Variants in CDH18 observed in about 807,000 individuals in gnomAD.
The protein encoded by CDH18 is cadherin-18.
Under a neutral mutation model 67.9 loss-of-function variants are expected in CDH18, and 31 were observed. That is an observed-to-expected ratio of 0.46 (90% confidence interval 0.34 to 0.62). The LOEUF is 0.62. CDH18 is among the 20% of genes least tolerant of loss of function. CDH18 has a pLI of 0.01. For synonymous variants in CDH18, 362 were observed against 347.2 expected (o/e 1.04, Z -0.48); for missense variants, 890 against 975.5 (o/e 0.91, Z 1.17).
At chr5:20,174,066 C>T (rs970497363) in intron 2 of CDH18, among the ~76,000 whole-genome samples, 3 of 151,854 alleles carry the variant, frequency 2.0e-5, no homozygotes, top group African/African-American at 7.3e-5. Context: ...AGAAAGTTTC[C>T]CACAGAACTT....
At chr5:19,978,244 A>C (rs1798693869) in intron 2 of CDH18, among the ~76,000 whole-genome samples, 1 of 152,116 alleles carries the variant, frequency 6.6e-6, no homozygotes, top group Non-Finnish European at 1.5e-5. Flanking sequence ...AGGGAGGATA[A>C]ATTATTTTCT....
At chr5:20,133,747 G>A (rs1488240846) in intron 2 of CDH18, among the ~76,000 whole-genome samples, 2 of 151,650 alleles carry the variant, frequency 1.3e-5, no homozygotes, top group African/African-American at 4.8e-5. Context: ...TATATTTTAT[G>A]TACAATGGTT....
chr5:19,707,547 G>T (rs2084261), intron 5 of CDH18, among the ~76,000 whole-genome samples: 147,042 of 152,226 alleles, frequency 0.97, 71,214 homozygotes, highest in Middle Eastern at 1. Flanking sequence ...CTCACCCACA[G>T]GAGGAAGGAA....
At chr5:20,323,705 T>G (rs1437020227) in intron 1 of CDH18, among the ~76,000 whole-genome samples, 1 of 152,258 alleles carries the variant, frequency 6.6e-6, no homozygotes. Context: ...TTAGTTCTTT[T>G]GCATTTATGC....
chr5:20,311,518 C>T (rs1205679448), intron 1 of CDH18, among the ~76,000 whole-genome samples: 1 of 152,064 alleles, frequency 6.6e-6, no homozygotes, highest in African/African-American at 2.4e-5. Flanking sequence ...AGGTGGAAAC[C>T]GTCCTTCTCA....
intron 2 of CDH18, among the ~76,000 whole-genome samples, chr5:19,980,458 T>C (rs1039785102): frequency 4.6e-5 from 7 of 152,172 alleles, no homozygotes; most frequent in African/African-American, 1.7e-4. Context: ...TAAATATATA[T>C]TGAATATGTG....
intron 2 of CDH18, among the ~76,000 whole-genome samples, chr5:19,901,978 G>C (rs866557210): frequency 1.3e-5 from 2 of 152,004 alleles, no homozygotes; most frequent in South Asian, 2.1e-4. Context: ...TGTTTACCAT[G>C]CGTATCATTA....
chr5:20,315,144 C>G (rs1361842605), intron 1 of CDH18, among the ~76,000 whole-genome samples: 2 of 151,996 alleles, frequency 1.3e-5, no homozygotes, highest in South Asian at 2.1e-4. Context: ...ATGTCTCCTC[C>G]CATCTCTGTT....
At chr5:19,994,298 T>C (rs562242217) in intron 2 of CDH18, among the ~76,000 whole-genome samples, 24 of 151,570 alleles carry the variant, frequency 1.6e-4, no homozygotes, top group Non-Finnish European at 2.9e-4. Context: ...TATGTATACA[T>C]ATATACACAT....
chr5:19,757,338 T>A (rs1771741799), intron 3 of CDH18, among the ~76,000 whole-genome samples: 1 of 152,220 alleles, frequency 6.6e-6, no homozygotes, highest in Non-Finnish European at 1.5e-5. Flanking sequence ...ATCAGGTAGC[T>A]GGCTGATCTC....
rs1747109743 is a variant in CDH18 at position 19,601,471 on chromosome 5, C to A, written c.812-10227G>T. 2.0e-5 allele frequency among the ~76,000 whole-genome samples: 3 copies of A among 151,990 alleles called. No homozygotes were observed. In the South Asian group the frequency reaches 6.2e-4, roughly 32 times the overall value. On this transcript the variant is annotated intron_variant, in intron 6 of 12. Coordinates refer to ENST00000382275, the MANE Select transcript of CDH18 (RefSeq NM_004934.5). ...GAGTCAATAAGCCATCAAAAACTTCCCAAGAAAGAAAAGCCCTGCAACAGA... is the reference window on the plus strand; with the variant it reads ...GAGTCAATAAGCCATCAAAAACTTCACAAGAAAGAAAAGCCCTGCAACAGA...
At chr5:20,495,042 A>G (rs1753824529) in intron 1 of CDH18, among the ~76,000 whole-genome samples, 4 of 152,198 alleles carry the variant, frequency 2.6e-5, no homozygotes, top group Admixed American at 2.6e-4. Context: ...TGAAAGTACA[A>G]GGCTGTAAAT....
rs72745051 is a variant in CDH18 at position 20,333,150 on chromosome 5, C to A, written c.-579-77645G>T. 6.2e-3 allele frequency among the ~76,000 whole-genome samples: 935 copies of A among 152,020 alleles called. 14 individuals are homozygous for A. The highest frequency in any genetic ancestry group is 0.022 in the South Asian group (107 of 4,808). On this transcript the variant is annotated intron_variant, in intron 1 of 14. Coordinates refer to the CDH18 transcript ENST00000507958. ...TGAGAATTTATCTCAAGGGATACAA[C>A]CAGAACAACATTGATAGGAAGTTTA...
chr5:20,567,736 A>T (rs1221383340), intron 1 of CDH18, among the ~76,000 whole-genome samples: 1 of 152,202 alleles, frequency 6.6e-6, no homozygotes, highest in Non-Finnish European at 1.5e-5. Flanking sequence ...CAAGAGCCTC[A>T]GTCCCAGTCC....
chr5:19,866,599 A>G (rs1785539150), intron 2 of CDH18, among the ~76,000 whole-genome samples: 2 of 148,320 alleles, frequency 1.3e-5, no homozygotes, highest in African/African-American at 5.3e-5. Context: ...AAGGTGCAGA[A>G]AAAGAAATCC....
At chr5:19,528,755 T>C (rs1409872151) in intron 9 of CDH18, among the ~76,000 whole-genome samples, 2 of 151,942 alleles carry the variant, frequency 1.3e-5, no homozygotes, top group Non-Finnish European at 2.9e-5. Context: ...GCAACACTTC[T>C]AATTCTATAA....
intron 12 of CDH18, among the ~76,000 whole-genome samples, chr5:19,474,505 G>A (rs1738111446): frequency 6.6e-6 from 1 of 152,064 alleles, no homozygotes; most frequent in South Asian, 2.1e-4. Flanking sequence ...TTGAGCAGTA[G>A]GACATAAATA....
In CDH18 at chr5:19,760,124, C is replaced by T. The variant is rs182113378; in HGVS notation, c.229-12888G>A. 3.4e-4 allele frequency among the ~76,000 whole-genome samples: 52 copies of T among 152,292 alleles called. No homozygotes were observed. The East Asian group carries it at 7.7e-3, about 23-fold the overall frequency. ...ATTATGGTAGCTACACCCACCTTGC[C>T]TTTGACAGATGAATGCTGCCACTTG... On this transcript the variant is annotated intron_variant, in intron 3 of 12. Transcript: ENST00000382275.
chr5:20,305,455 G>A (rs963768504), intron 1 of CDH18: 20 of 1,476,656 alleles, frequency 1.4e-5, no homozygotes, highest in Non-Finnish European at 1.6e-5. Context: ...CCATGTTTTC[G>A]AACCTCCTCA....
Sources: allele counts gnomAD v4.1 joint callset (sites outside exome capture counted in the v4.1 genomes callset), GRCh38; gene constraint gnomAD v4.1.1; transcripts MANE v1.5; gene names NCBI Gene and HGNC (gene_info 2026-07-23, HGNC 2026-07-21).